The following EYS variants were observed in gnomAD, a reference collection of about 807,000 sequenced individuals.
EYS encodes the protein protein eyes shut homolog.
In EYS, 250 loss-of-function variants were observed where a neutral mutation model predicts 282.1. The observed-to-expected ratio is 0.89, with a 90% CI of 0.80 to 0.98. The LOEUF (loss-of-function observed/expected upper bound fraction) is 0.98. EYS is among the 50% of genes least tolerant of loss of function. The pLI is 0.00. For synonymous variants in EYS, 1,355 were observed against 1,282.9 expected (o/e 1.06, Z -1.20); for missense variants, 4,016 against 3,709.0 (o/e 1.08, Z -2.15).
chr6:64,336,030 A>G (rs1429216270), intron 29 of EYS, among the ~76,000 whole-genome samples: 11 of 152,164 alleles, frequency 7.2e-5, no homozygotes, highest in Non-Finnish European at 1.2e-4. Context: ...AATTCTTTAA[A>G]GCATAAATCA....
intron 28 of EYS, among the ~76,000 whole-genome samples, chr6:64,396,157 T>G (rs1008285202): frequency 5.3e-5 from 8 of 152,130 alleles, no homozygotes; most frequent in African/African-American, 1.4e-4. Context: ...TATTTTTGAA[T>G]TGAATAGTTT....
intron 12 of EYS, among the ~76,000 whole-genome samples, chr6:65,097,090 C>A (rs10452571): frequency 0.32 from 46,950 of 148,492 alleles, 7,606 homozygotes; most frequent in African/African-American, 0.37. Flanking sequence ...TTTGCAAAGC[C>A]CATATCTGAT....
At chr6:64,789,346 C>T (rs1475889213) in intron 22 of EYS, among the ~76,000 whole-genome samples, 3 of 152,098 alleles carry the variant, frequency 2.0e-5, no homozygotes, top group Admixed American at 6.5e-5. Context: ...ATGATACATC[C>T]TTCTGCCTTT....
intron 18 of EYS, among the ~76,000 whole-genome samples, chr6:64,898,248 C>G (rs747367754): frequency 6.6e-6 from 1 of 152,122 alleles, no homozygotes; most frequent in Non-Finnish European, 1.5e-5. Flanking sequence ...AGACTAACAG[C>G]GGATCTTTCT....
chr6:64,825,627 A>G (rs1028836186), intron 19 of EYS, among the ~76,000 whole-genome samples: 2 of 151,856 alleles, frequency 1.3e-5, no homozygotes, highest in East Asian at 1.9e-4. Context: ...TCAGAATCCA[A>G]TGAGGCGATG....
chr6:65,284,373 T>C (rs140338799), intron 12 of EYS, among the ~76,000 whole-genome samples: 241 of 152,274 alleles, frequency 1.6e-3, no homozygotes, highest in African/African-American at 5.6e-3. Context: ...GCTACTACTT[T>C]TTTTTTGCAG....
chr6:64,720,797 A>G (rs1317733543), intron 22 of EYS, among the ~76,000 whole-genome samples: 1 of 152,192 alleles, frequency 6.6e-6, no homozygotes, highest in Non-Finnish European at 1.5e-5. Flanking sequence ...TTATCAATCT[A>G]TCCATCCATA....
chr6:64,618,263 T>A (rs762246468), intron 23 of EYS, among the ~76,000 whole-genome samples: 6 of 152,142 alleles, frequency 3.9e-5, no homozygotes, highest in Non-Finnish European at 8.8e-5. Context: ...CTTTACTGGG[T>A]AGATATTAGG....
chr6:65,426,085 C>A (rs1257357733), intron 5 of EYS, among the ~76,000 whole-genome samples: 3 of 152,078 alleles, frequency 2.0e-5, no homozygotes, highest in Non-Finnish European at 4.4e-5. Flanking sequence ...AGTGATCCCA[C>A]AGCCTCATCC....
chr6:64,177,517 T>G (rs764123536), intron 31 of EYS, among the ~76,000 whole-genome samples: 7 of 152,120 alleles, frequency 4.6e-5, no homozygotes, highest in Non-Finnish European at 1.0e-4. Flanking sequence ...TTAATTAATT[T>G]CATATGAATA....
intron 26 of EYS, among the ~76,000 whole-genome samples, chr6:64,561,919 C>CA (rs57111776): frequency 0.2 from 17,147 of 87,046 alleles, 1,589 homozygotes; most frequent in Non-Finnish European, 0.25. Flanking sequence ...CACATGGAAC[C>CA]AAAAAAAAAA....
At chr6:64,774,147 C>T (rs1379760886) in intron 22 of EYS, among the ~76,000 whole-genome samples, 1 of 151,858 alleles carries the variant, frequency 6.6e-6, no homozygotes, top group Admixed American at 6.6e-5. Context: ...ACTAAATACA[C>T]AAAAACTCTA....
intron 2 of EYS, among the ~76,000 whole-genome samples, chr6:65,588,294 C>A (rs183877386): frequency 1.3e-5 from 2 of 152,076 alleles, no homozygotes; most frequent in African/African-American, 2.4e-5. Context: ...AAATCATATT[C>A]TTATTGTGCC....
chr6:64,814,449 A>G (rs952433373), intron 21 of EYS, among the ~76,000 whole-genome samples: 1 of 151,816 alleles, frequency 6.6e-6, no homozygotes, highest in Non-Finnish European at 1.5e-5. Context: ...TTTCTTCTCC[A>G]CTCTGAAGGC....
intron 19 of EYS, among the ~76,000 whole-genome samples, chr6:64,874,017 C>T (rs1021034256): frequency 3.3e-5 from 5 of 151,958 alleles, no homozygotes; most frequent in African/African-American, 1.2e-4. Context: ...CCTGGTAGTA[C>T]TTCAAAACTT....
chr6:64,803,730 C>T (rs1279838066), intron 22 of EYS, among the ~76,000 whole-genome samples: 4 of 152,204 alleles, frequency 2.6e-5, no homozygotes, highest in African/African-American at 7.2e-5. Context: ...GGGGCCAGGG[C>T]GGCAGAGGGC....
chr6:65,239,870 C>T (rs1450264606), intron 12 of EYS, among the ~76,000 whole-genome samples: 1 of 151,632 alleles, frequency 6.6e-6, no homozygotes, highest in Non-Finnish European at 1.5e-5. Flanking sequence ...TTACTTTGTA[C>T]TATAAGCAGA....
At chr6:64,027,771 C>G in intron 33 of EYS, among the ~76,000 whole-genome samples, 1 of 152,180 alleles carries the variant, frequency 6.6e-6, no homozygotes, top group East Asian at 1.9e-4. Context: ...ACAAAGTTTC[C>G]CTGGGACAGA....
At chr6:64,790,011 A>G (rs188530799) in intron 22 of EYS, among the ~76,000 whole-genome samples, 1,604 of 152,100 alleles carry the variant, frequency 0.011, 32 homozygotes, top group African/African-American at 0.036. Flanking sequence ...AGATACAACA[A>G]ATAAATCCTT....
Sources: allele counts gnomAD v4.1 joint callset (sites outside exome capture counted in the v4.1 genomes callset), GRCh38; gene constraint gnomAD v4.1.1; transcripts MANE v1.5; gene names NCBI Gene and HGNC (gene_info 2026-07-23, HGNC 2026-07-21).